Variants in NR2C2 observed in about 807,000 individuals in gnomAD.
NR2C2 encodes the protein Nuclear hormone receptor TR4.
Under a neutral mutation model 62.9 loss-of-function variants are expected in NR2C2, and 6 were observed. The observed-to-expected ratio is 0.10, with a 90% CI of 0.05 to 0.19. NR2C2 has a LOEUF of 0.19. NR2C2 is among the 10% of genes least tolerant of loss of function. NR2C2 has a pLI of 1.00. For missense variants in NR2C2, 479 were observed against 762.7 expected, an observed-to-expected ratio of 0.63 and a Z score of 4.38; for synonymous variants, 272 against 273.8, an observed-to-expected ratio of 0.99 and a Z score of 0.07.
At chr3:15,030,713 A>G (rs1412149875) in intron 9 of NR2C2, among the ~76,000 whole-genome samples, 1 of 152,162 alleles carries the variant, frequency 6.6e-6, no homozygotes, top group Non-Finnish European at 1.5e-5. Context: ...CTGTAGTCTC[A>G]CCTACTCAGG....
At chr3:15,039,669 C>CT (rs1027950222) in intron 13 of NR2C2, among the ~76,000 whole-genome samples, 1 of 152,104 alleles carries the variant, frequency 6.6e-6, no homozygotes, top group Non-Finnish European at 1.5e-5. Flanking sequence ...AGAGGCAGTG[C>CT]TAGAGTACTT....
At chr3:14,973,804 CAT>C (rs1430786858) in intron 1 of NR2C2, among the ~76,000 whole-genome samples, 1 of 152,014 alleles carries the variant, frequency 6.6e-6, no homozygotes, top group East Asian at 1.9e-4. Context: ...AACCACATAA[CAT>C]AAAATTTACT....
chr3:15,023,089 A>G (rs1241135468), intron 5 of NR2C2, 111 bp from the exon 6 acceptor site: 1 of 1,209,566 alleles, frequency 8.3e-7, no homozygotes, highest in East Asian at 2.4e-5. Flanking sequence ...AGCTAGATGA[A>G]CCTAGCACCA....
rs151093041 is a variant in NR2C2, at chr3:15,014,604, C to T, written c.273+815C>T. ...CTATCTAGCTCTGTGTAACTCTTTT[C>T]CTCTTCCTAAGCTGAAACTCTGTAC... On this transcript the variant is annotated intron_variant, in intron 3 of 13. Coordinates refer to ENST00000425241, the MANE Select transcript of NR2C2 (RefSeq NM_001291694.2). Among the ~76,000 whole-genome samples, 876 of 152,030 alleles carry T rather than the reference C, an allele frequency of 5.8e-3. 10 individuals carry two copies. Among genetic ancestry groups the T allele is most frequent in the African/African-American group, 0.02 (831 of 41,472 alleles).
intron 1 of NR2C2, among the ~76,000 whole-genome samples, chr3:14,960,406 C>T (rs939176523): frequency 6.6e-6 from 1 of 152,072 alleles, no homozygotes; most frequent in Non-Finnish European, 1.5e-5. Flanking sequence ...GATCCCCAGC[C>T]CTACCTGAAG....
At chr3:15,000,522 G>A (rs1460612402) in intron 1 of NR2C2, among the ~76,000 whole-genome samples, 1 of 152,090 alleles carries the variant, frequency 6.6e-6, no homozygotes, top group Non-Finnish European at 1.5e-5. Flanking sequence ...AAATCTTTTT[G>A]GGTAAACACC....
chr3:14,949,357 AG>A (rs2039272570), intron 1 of NR2C2, among the ~76,000 whole-genome samples: 1 of 152,258 alleles, frequency 6.6e-6, no homozygotes, highest in African/African-American at 2.4e-5. Context: ...CATTCCAGAC[AG>A]GACATCCCGT....
chr3:15,021,529 A>C (rs2041667716), intron 5 of NR2C2, among the ~76,000 whole-genome samples: 1 of 152,226 alleles, frequency 6.6e-6, no homozygotes, highest in Non-Finnish European at 1.5e-5. Flanking sequence ...TTCAGGGACC[A>C]GTCAGCATGG....
chr3:14,986,468 G>A (rs929446692), intron 1 of NR2C2, among the ~76,000 whole-genome samples: 4 of 152,136 alleles, frequency 2.6e-5, no homozygotes, highest in Admixed American at 6.5e-5. Flanking sequence ...GTTGACAGGA[G>A]GAGTTATTAA....
chr3:14,965,248 A>G (rs2039805395), intron 1 of NR2C2, among the ~76,000 whole-genome samples: 1 of 152,058 alleles, frequency 6.6e-6, no homozygotes, highest in African/African-American at 2.4e-5. Flanking sequence ...ATAATTGTTA[A>G]TTTTTCAAAT....
At chr3:15,004,344 T>G (rs1398067621) in intron 2 of NR2C2, among the ~76,000 whole-genome samples, 33 of 152,196 alleles carry the variant, frequency 2.2e-4, no homozygotes, top group Admixed American at 2.2e-3. Flanking sequence ...ATTAACTTTT[T>G]AATGCCTCAC....
rs2039169848 is a variant in NR2C2, at chr3:14,947,890, T to C, written c.-56T>C. 1 of 149,714 alleles carries C rather than the reference T, an allele frequency of 6.7e-6. No homozygotes were observed. The highest frequency in any genetic ancestry group is 2.1e-4 in the South Asian group (1 of 4,812). 9.3% of individuals were successfully genotyped at this position (149,714 alleles called of 1,614,324 possible). A position where few individuals can be genotyped will look rare whatever the true frequency, so the allele number is the denominator to read the frequency against. ...CACGGGACCCGCTTCGAGGCCGCTT[T>C]GGCGCCAAATCCTGAGGTAAAATTG... On this transcript the variant is annotated 5_prime_UTR_variant, in exon 1 of 14. Coordinates refer to ENST00000425241, the MANE Select transcript of NR2C2 (RefSeq NM_001291694.2).
Position 15,013,795 on chromosome 3 carries a change from G to C in NR2C2, c.273+6G>C. ...TCGTCCCTGGCAGGATCCAGGTAAGGCCTTTGGACAGGTATTTGTTTCAGC... is the reference window on the plus strand; with the variant it reads ...TCGTCCCTGGCAGGATCCAGGTAAGCCCTTTGGACAGGTATTTGTTTCAGC... On this transcript the variant is annotated splice_donor_region_variant and intron_variant, in intron 3 of 13. Coordinates refer to ENST00000425241, the MANE Select transcript of NR2C2 (RefSeq NM_001291694.2). 6.2e-7 allele frequency: 1 copy of C among 1,613,946 alleles called. No homozygotes were observed. Among genetic ancestry groups the C allele is most frequent in the Non-Finnish European group, 8.5e-7 (1 of 1,179,822 alleles).
intron 12 of NR2C2, 62 bp from the exon 13 acceptor site, chr3:15,039,060 G>A (rs1288615808): frequency 2.5e-6 from 3 of 1,208,562 alleles, no homozygotes; most frequent in African/African-American, 3.1e-5. Context: ...GTACTAAGAA[G>A]TCTACAAGTG....
At chr3:15,019,098 C>A (rs567143028) in intron 4 of NR2C2, among the ~76,000 whole-genome samples, 2 of 145,078 alleles carry the variant, frequency 1.4e-5, no homozygotes, top group South Asian at 4.4e-4. Flanking sequence ...TGGTGGTGCA[C>A]ACCTATAATT....
At chr3:15,019,214 C>G (rs1453008853) in intron 4 of NR2C2, among the ~76,000 whole-genome samples, 1 of 151,072 alleles carries the variant, frequency 6.6e-6, no homozygotes, top group Non-Finnish European at 1.5e-5. Flanking sequence ...GTGACTAAGA[C>G]TCTTGTCTCA....
intron 1 of NR2C2, among the ~76,000 whole-genome samples, chr3:14,975,082 A>G (rs2040165735): frequency 6.6e-6 from 1 of 152,174 alleles, no homozygotes; most frequent in African/African-American, 2.4e-5. Flanking sequence ...TCTTATTTCT[A>G]ATAACATGCA....
At chr3:14,978,367 C>CTAT in intron 1 of NR2C2, among the ~76,000 whole-genome samples, 1 of 152,140 alleles carries the variant, frequency 6.6e-6, no homozygotes, top group Non-Finnish European at 1.5e-5. Context: ...AACACAAAGC[C>CTAT]TATTTTATAA....
In NR2C2 at chr3:14,991,768, C is replaced by CTT. The variant is rs763730063; in HGVS notation, c.-39-12095_-39-12094dup. Among the ~76,000 whole-genome samples the CTT allele has an allele frequency of 5.8e-4, 58 of 100,456 alleles. 2 individuals carry two copies. Among genetic ancestry groups the CTT allele is most frequent in the South Asian group, 2.3e-3 (7 of 3,076 alleles). The allele number at this position is 100,456 out of a possible 152,430, so 65.9% of individuals were successfully genotyped here. ...TTTTTTCTTTTTTTTTTTTCTTTTTCTTTTTTTTTTTTTTGGAGATAGGGT... is the reference window on the plus strand; with the variant it reads ...TTTTTTCTTTTTTTTTTTTCTTTTTCTTTTTTTTTTTTTTTTGGAGATAGGGT... On this transcript the variant is annotated intron_variant, in intron 1 of 13. Coordinates refer to ENST00000425241, the MANE Select transcript of NR2C2 (RefSeq NM_001291694.2).
Sources: gnomAD v4.1 joint callset for allele counts (sites outside exome capture counted in the v4.1 genomes callset) on GRCh38, gnomAD v4.1.1 for gene constraint, MANE v1.5 for transcripts, NCBI Gene and HGNC (gene_info 2026-07-23, HGNC 2026-07-21) for gene names.